The following ZNF618 variants were observed in gnomAD, a reference collection of about 807,000 sequenced individuals.
ZNF618 encodes zinc finger protein 618, also known as neural precursor cell expressed, developmentally down-regulated 10.
ZNF618 carries 34 observed loss-of-function variants against 103.0 expected under a neutral mutation model. The ratio of observed to expected loss-of-function variants is 0.33; its 90% confidence interval spans 0.25 to 0.44. The LOEUF is 0.44. Ranked by LOEUF, ZNF618 falls within the 20% of genes least tolerant of loss-of-function variation. ZNF618 has a pLI of 1.00. For synonymous variants in ZNF618, 551 were observed against 542.2 expected, an observed-to-expected ratio of 1.02 and a Z score of -0.23; for missense variants, 1,059 against 1,295.4, an observed-to-expected ratio of 0.82 and a Z score of 2.80.
chr9:113,887,131 C>T (rs1056553047), intron 1 of ZNF618, among the ~76,000 whole-genome samples: 2 of 151,922 alleles, frequency 1.3e-5, no homozygotes, highest in African/African-American at 4.8e-5. Context: ...GGGCAAGTGG[C>T]TTGCTCAGGG....
chr9:113,998,633 C>G (rs774835454), intron 4 of ZNF618, among the ~76,000 whole-genome samples: 2 of 152,224 alleles, frequency 1.3e-5, no homozygotes, highest in Admixed American at 6.5e-5. Context: ...GGCCGCAACT[C>G]TGAAACAGGC....
intron 11 of ZNF618, chr9:114,030,823 G>C (rs1184216316): frequency 6.6e-6 from 1 of 152,240 alleles, no homozygotes; most frequent in African/African-American, 2.4e-5. Context: ...CTTGTGGCAA[G>C]GAAAGCTATT....
intron 11 of ZNF618, 24 bp from the exon 12 acceptor site, chr9:114,032,621 T>C (rs776391196): frequency 6.2e-7 from 1 of 1,612,002 alleles, no homozygotes; most frequent in Non-Finnish European, 8.5e-7. Flanking sequence ...ATTGTTTTCT[T>C]TCTCTCTCCT....
At chr9:113,975,849 A>G (rs1838417454) in intron 2 of ZNF618, among the ~76,000 whole-genome samples, 1 of 152,038 alleles carries the variant, frequency 6.6e-6, no homozygotes, top group Non-Finnish European at 1.5e-5. Flanking sequence ...CTCTAGATTT[A>G]TGTTCCTGTT....
At chr9:114,026,260 A>G (rs771172309) in intron 10 of ZNF618, among the ~76,000 whole-genome samples, 7 of 152,232 alleles carry the variant, frequency 4.6e-5, no homozygotes, top group Non-Finnish European at 7.3e-5. Context: ...AAGGAGCTCA[A>G]TGGCCTGTGA....
At chr9:114,010,372 A>C (rs1213031510) in intron 9 of ZNF618, among the ~76,000 whole-genome samples, 1 of 151,744 alleles carries the variant, frequency 6.6e-6, no homozygotes, top group African/African-American at 2.4e-5. Flanking sequence ...GTTAGACGGT[A>C]CAGGGGAAAC....
chr9:113,916,095 T>TCTGTGTGA (rs1491013781), intron 1 of ZNF618, among the ~76,000 whole-genome samples: 2 of 151,326 alleles, frequency 1.3e-5, no homozygotes, highest in Non-Finnish European at 2.9e-5. Context: ...TGTGTGTGTG[T>TCTGTGTGA]CTGTGTGACT....
At chr9:113,923,682 G>T (rs974810106) in intron 1 of ZNF618, among the ~76,000 whole-genome samples, 2 of 152,022 alleles carry the variant, frequency 1.3e-5, no homozygotes, top group Admixed American at 6.6e-5. Context: ...GTTCAATTTT[G>T]TACTATTTTG....
chr9:114,023,752 T>C (rs1409726589), intron 10 of ZNF618, among the ~76,000 whole-genome samples: 1 of 152,148 alleles, frequency 6.6e-6, no homozygotes, highest in East Asian at 1.9e-4. Context: ...CTGATAAATT[T>C]TTTTATGTTT....
At chr9:114,032,110 G>A (rs1844112663) in intron 11 of ZNF618, among the ~76,000 whole-genome samples, 1 of 152,224 alleles carries the variant, frequency 6.6e-6, no homozygotes, top group Admixed American at 6.5e-5. Context: ...CCTGGGTTTG[G>A]CCTCTGGGGG....
chr9:113,988,478 G>A lies in ZNF618; in HGVS notation c.235G>A (p.Glu79Lys), dbSNP rs748597675. Residue 79 changes from glutamate to lysine, a missense_variant, in exon 3 of 15, where the codon GAG becomes AAG. Glu to Lys is a moderately conservative substitution (Grantham distance 56, BLOSUM62 1). Transcript: ENST00000374126. ...CATCCAGGAGGTGATCTGGCAGGGC[G>A]AGGCCAAGGAGGAGAAGAAGGCGGT... ...DYIQEVIWQG[E>K]AKEEKKAVSK... is the part of the protein sequence containing the mutation. The A allele has an allele frequency of 1.3e-5, 21 of 1,613,358 alleles. No individual in the cohort carries two copies. The highest frequency in any genetic ancestry group is 2.7e-5 in the African/African-American group (2 of 74,952).
chr9:113,895,446 C>T (rs1411866222), intron 1 of ZNF618, among the ~76,000 whole-genome samples: 1 of 151,996 alleles, frequency 6.6e-6, no homozygotes, highest in Non-Finnish European at 1.5e-5. Flanking sequence ...TTAATGCATC[C>T]TGGGTCCAAT....
chr9:113,909,140 G>C (rs893687159), intron 1 of ZNF618, among the ~76,000 whole-genome samples: 13 of 151,972 alleles, frequency 8.6e-5, no homozygotes, highest in African/African-American at 2.9e-4. Flanking sequence ...CTCTCTCTCT[G>C]AGCTTGAGGT....
At chr9:113,889,317 A>ATCTCTCTCTCTCTC (rs10627696) in intron 1 of ZNF618, among the ~76,000 whole-genome samples, 75 of 139,340 alleles carry the variant, frequency 5.4e-4, no homozygotes, top group Admixed American at 5.7e-4. Flanking sequence ...CCCCGCTACC[A>ATCTCTCTCTCTCTC]TCTCTCTCTC....
chr9:113,996,996 A>C (rs1391953041), intron 3 of ZNF618, among the ~76,000 whole-genome samples: 1 of 152,140 alleles, frequency 6.6e-6, no homozygotes, highest in East Asian at 1.9e-4. Context: ...TGCCAGCCTC[A>C]TGAGGACTTC....
intron 1 of ZNF618, among the ~76,000 whole-genome samples, chr9:113,892,434 C>T (rs1303889826): frequency 1.3e-5 from 2 of 152,106 alleles, no homozygotes; most frequent in Admixed American, 6.5e-5. Context: ...TGGTTGAATC[C>T]ATGGATGTGG....
rs1843750323 is a variant in ZNF618 at position 114,028,908 on chromosome 9, A to G, written c.1020A>G (p.Pro340=). 6.5e-7 allele frequency: 1 copy of G among 1,550,382 alleles called. No individual in the cohort carries two copies. Among genetic ancestry groups the G allele is most frequent in the Non-Finnish European group, 8.7e-7 (1 of 1,146,784 alleles). The part of the protein sequence containing the change: ...RCATLLHRTP[P]ATQTQTFRTP... ...CCACCCTCTTACACCGCACCCCTCC[A>G]GCCACCCAAACCCAGACGTTCCGCA... The change falls in exon 11 of 15, where the codon CCA becomes CCG. Residue 340 remains proline, a synonymous_variant. Transcript: ENST00000374126.
At chr9:113,951,442 CATATATGTGTATATAT>C (rs1835644796) in intron 1 of ZNF618, among the ~76,000 whole-genome samples, 1 of 49,254 alleles carries the variant, frequency 2.0e-5, no homozygotes, top group African/African-American at 8.3e-5. Flanking sequence ...TATATATATA[CATATATGTGTATATAT>C]ACATATATGT....
chr9:113,960,864 G>A (rs977703136), intron 1 of ZNF618, among the ~76,000 whole-genome samples: 4 of 152,336 alleles, frequency 2.6e-5, no homozygotes, highest in South Asian at 2.1e-4. Flanking sequence ...AGAGGGAGGC[G>A]TGGGCTCTGG....
Sources: allele counts gnomAD v4.1 joint callset (sites outside exome capture counted in the v4.1 genomes callset), GRCh38; gene constraint gnomAD v4.1.1; transcripts MANE v1.5; gene names NCBI Gene and HGNC (gene_info 2026-07-23, HGNC 2026-07-21).